The following KIAA1549 variants were observed in gnomAD, a reference collection of about 807,000 sequenced individuals.
KIAA1549 encodes the protein UPF0606 protein KIAA1549.
KIAA1549 carries 70 observed loss-of-function variants against 156.4 expected under a neutral mutation model. The observed-to-expected ratio is 0.45, with a 90% CI of 0.37 to 0.55. The LOEUF (loss-of-function observed/expected upper bound fraction) is 0.55. Ranked by LOEUF, KIAA1549 falls within the 20% of genes least tolerant of loss-of-function variation. KIAA1549 has a pLI of 0.00. For synonymous variants in KIAA1549, 1,103 were observed against 1,066.4 expected, an observed-to-expected ratio of 1.03 and a Z score of -0.67; for missense variants, 2,428 against 2,540.9, an observed-to-expected ratio of 0.96 and a Z score of 0.96.
At chr7:138,935,820 G>A (rs1390620679) in intron 1 of KIAA1549, among the ~76,000 whole-genome samples, 1 of 152,188 alleles carries the variant, frequency 6.6e-6, no homozygotes, top group African/African-American at 2.4e-5. Flanking sequence ...TTTATATCAA[G>A]GGATCAGGAG....
chr7:138,903,591 C>A lies in KIAA1549; in HGVS notation c.3666G>T (p.Val1222=). The A allele has an allele frequency of 6.2e-7, 1 of 1,613,618 alleles. No homozygotes were observed. The highest frequency in any genetic ancestry group is 8.5e-7 in the Non-Finnish European group (1 of 1,179,806). ...RATVAAGNSV[V]QVVNVSRLEG... ...CTCCTCCTTTGATGTGGAGTACCTG[C>A]ACCACACTGTTCCCTGCAGCTACAG... The change falls in exon 8 of 20, where the codon GTG becomes GTT. Residue 1222 remains valine, a synonymous_variant. Transcript: ENST00000422774.
In KIAA1549 at chr7:138,918,241, G is replaced by A. The variant is rs748604284; in HGVS notation, c.1385C>T (p.Ser462Phe). ...GTCTGCTACGACGCTACTCATTAGA[G>A]AGATGCTGCTTTCTTCCAGCACGGT... ...CMTVLEESSISLMSSVVADFS... is the reference protein window; with the variant it reads ...CMTVLEESSIFLMSSVVADFS... Residue 462 changes from serine to phenylalanine, a missense_variant, in exon 2 of 20, where the codon TCT (serine) becomes TTT (phenylalanine). Physicochemically the swap from Ser to Phe is radical, Grantham distance 155. Coordinates refer to ENST00000422774, the MANE Select transcript of KIAA1549 (RefSeq NM_001164665.2). The surrounding 1 kb of genome is among the most constrained non-coding windows in gnomAD (Gnocchi z 4.2). The A allele has an allele frequency of 1.2e-6, 2 of 1,614,028 alleles. No homozygotes were observed. The highest frequency in any genetic ancestry group is 4.5e-5 in the East Asian group (2 of 44,880).
At chr7:138,865,440 GA>G (rs112459701) in intron 15 of KIAA1549, among the ~76,000 whole-genome samples, 77 of 142,276 alleles carry the variant, frequency 5.4e-4, no homozygotes, top group African/African-American at 1.3e-3. Context: ...GCTTGAAGAT[GA>G]AAAAAAAAAA....
At chr7:138,869,459 G>A in intron 14 of KIAA1549, 79 bp downstream of exon 14, 1 of 1,112,230 alleles carries the variant, frequency 9.0e-7, no homozygotes, top group African/African-American at 1.6e-5. Flanking sequence ...AGTAGCAGAG[G>A]GGCTCCTGTC....
intron 15 of KIAA1549, among the ~76,000 whole-genome samples, chr7:138,863,284 C>A (rs1026571349): frequency 5.9e-5 from 9 of 151,486 alleles, no homozygotes; most frequent in Non-Finnish European, 1.2e-4. Flanking sequence ...CACGTGCCTG[C>A]AGTTTAGCCC....
At chr7:138,960,482 G>A (rs1007865081) in intron 1 of KIAA1549, among the ~76,000 whole-genome samples, 1 of 151,104 alleles carries the variant, frequency 6.6e-6, no homozygotes, top group Non-Finnish European at 1.5e-5. Flanking sequence ...CTAATTTTTT[G>A]TACTTTTAGT....
rs553648080 is a variant in KIAA1549 at position 138,925,652 on chromosome 7, G to A, written c.188-6214C>T. ...AGTTCACCAGTCTGGGCAACGTGGC[G>A]AAACCCCGTCTCTACAAAATATCAA... On this transcript the variant is annotated intron_variant, in intron 1 of 19. Transcript: ENST00000422774. Among the ~76,000 whole-genome samples, 16 of 151,754 alleles carry A rather than the reference G, an allele frequency of 1.1e-4. 1 individual carries two copies. In the South Asian group the frequency reaches 2.7e-3, roughly 26 times the overall value.
intron 1 of KIAA1549, among the ~76,000 whole-genome samples, chr7:138,951,474 C>T (rs994439023): frequency 2.6e-5 from 4 of 152,178 alleles, no homozygotes; most frequent in Non-Finnish European, 4.4e-5. Context: ...ATCCTCTCCC[C>T]GCACGTTCTC....
intron 1 of KIAA1549, among the ~76,000 whole-genome samples, chr7:138,927,995 A>G (rs1812770438): frequency 1.4e-5 from 2 of 146,758 alleles, no homozygotes; most frequent in Non-Finnish European, 1.5e-5. Flanking sequence ...ATCTTGGCTC[A>G]CTGCAAGCTC....
intron 1 of KIAA1549, among the ~76,000 whole-genome samples, chr7:138,953,524 AC>A (rs1489627359): frequency 2.0e-5 from 3 of 152,166 alleles, no homozygotes; most frequent in African/African-American, 7.2e-5. Flanking sequence ...AAAATAGTAC[AC>A]AAAAAAGCGT....
rs79744019 is a variant in KIAA1549, at chr7:138,956,855, C to T, written c.187+24228G>A. Among the ~76,000 whole-genome samples the T allele has an allele frequency of 1.1e-3, 163 of 152,284 alleles. 1 individual carries two copies. The highest frequency in any genetic ancestry group is 3.8e-3 in the African/African-American group (158 of 41,562). On this transcript the variant is annotated intron_variant, in intron 1 of 19. Coordinates refer to ENST00000422774, the MANE Select transcript of KIAA1549 (RefSeq NM_001164665.2). ...AAGCATTCCTTCCTACACACCCACC[C>T]ACTTAGTGATTTAACAAATATTTAT...
intron 1 of KIAA1549, among the ~76,000 whole-genome samples, chr7:138,980,527 T>C (rs796758104): frequency 5.3e-5 from 8 of 152,342 alleles, no homozygotes; most frequent in African/African-American, 1.9e-4. Flanking sequence ...GCTATTTCCC[T>C]GGAAAGATCC....
chr7:138,866,805 C>CTTAT (rs1810755756), intron 15 of KIAA1549, among the ~76,000 whole-genome samples: 1 of 152,048 alleles, frequency 6.6e-6, no homozygotes, highest in Non-Finnish European at 1.5e-5. Context: ...AAAATAATCC[C>CTTAT]TTATTTATTT....
intron 12 of KIAA1549, among the ~76,000 whole-genome samples, chr7:138,871,740 T>A (rs1810944247): frequency 6.6e-6 from 1 of 152,210 alleles, no homozygotes; most frequent in African/African-American, 2.4e-5. Flanking sequence ...AAAACACATT[T>A]ATAGCGGCTC....
chr7:138,960,293 TGA>T (rs201852440), intron 1 of KIAA1549, among the ~76,000 whole-genome samples: 37,964 of 149,536 alleles, frequency 0.25, 5,154 homozygotes, highest in African/African-American at 0.36. Flanking sequence ...TTTATTTTAT[TGA>T]TTTATTGATT....
chr7:138,853,796 C>CT (rs770648098), intron 16 of KIAA1549, among the ~76,000 whole-genome samples: 1 of 152,150 alleles, frequency 6.6e-6, no homozygotes, highest in African/African-American at 2.4e-5. Flanking sequence ...AAAGGGAAAT[C>CT]TGAGACTACA....
rs889623872 is a variant in KIAA1549, at chr7:138,922,930, G to A, written c.188-3492C>T. On this transcript the variant is annotated intron_variant, in intron 1 of 19. Coordinates refer to ENST00000422774, the MANE Select transcript of KIAA1549 (RefSeq NM_001164665.2). Reference sequence around the variant, plus strand: ...AGAAACGAACCATGCAATTCAGAAAGACCAAAAAATCCCAAGGAGGGTGAA... The same window carrying A: ...AGAAACGAACCATGCAATTCAGAAAAACCAAAAAATCCCAAGGAGGGTGAA... 9.2e-5 allele frequency among the ~76,000 whole-genome samples: 14 copies of A among 151,406 alleles called. 1 individual carries two copies. The highest frequency in any genetic ancestry group is 3.2e-4 in the African/African-American group (13 of 41,228).
At chr7:138,870,803 T>C (rs1055443126) in intron 13 of KIAA1549, among the ~76,000 whole-genome samples, 3 of 152,104 alleles carry the variant, frequency 2.0e-5, no homozygotes, top group Non-Finnish European at 2.9e-5. Context: ...ACCCAATAAG[T>C]GTGTGAGTTT....
At chr7:138,977,888 C>G (rs1446908901) in intron 1 of KIAA1549, among the ~76,000 whole-genome samples, 2 of 152,072 alleles carry the variant, frequency 1.3e-5, no homozygotes, top group Non-Finnish European at 2.9e-5. Flanking sequence ...TTAGTAGAGA[C>G]GGGGTTTCAC....
Sources: allele counts gnomAD v4.1 joint callset (sites outside exome capture counted in the v4.1 genomes callset), GRCh38; gene constraint gnomAD v4.1.1; non-coding constraint Gnocchi (gnomAD v3.1); transcripts MANE v1.5; gene names NCBI Gene and HGNC (gene_info 2026-07-23, HGNC 2026-07-21).